Variants in GRID2 observed in about 807,000 individuals in gnomAD.
The protein encoded by GRID2 is glutamate ionotropic receptor delta type subunit 2.
Under a neutral mutation model 114.8 loss-of-function variants are expected in GRID2, and 33 were observed. The ratio of observed to expected loss-of-function variants is 0.29; its 90% CI spans 0.22 to 0.38. The LOEUF (loss-of-function observed/expected upper bound fraction) is 0.38. GRID2 is among the 10% of genes least tolerant of loss of function. The pLI is 1.00. For missense variants in GRID2, 1,184 were observed against 1,257.7 expected, an observed-to-expected ratio of 0.94 and a Z score of 0.89; for synonymous variants, 505 against 449.9, an observed-to-expected ratio of 1.12 and a Z score of -1.55.
chr4:93,456,052 G>C (rs759662770), intron 11 of GRID2, 78 bp downstream of exon 11: 16 of 841,876 alleles, frequency 1.9e-5, no homozygotes, highest in Admixed American at 3.8e-5. Context: ...CAGTTAATAA[G>C]GTTCTGTATC....
At chr4:92,683,887 A>G (rs1035409907) in intron 2 of GRID2, among the ~76,000 whole-genome samples, 12 of 151,860 alleles carry the variant, frequency 7.9e-5, no homozygotes, top group Non-Finnish European at 1.8e-4. Flanking sequence ...TGTTGATATG[A>G]TTATAAGGAG....
intron 13 of GRID2, among the ~76,000 whole-genome samples, chr4:93,549,069 T>C (rs1040645343): frequency 1.3e-5 from 2 of 152,130 alleles, no homozygotes; most frequent in African/African-American, 2.4e-5. Context: ...AAATCAAAGA[T>C]CAACTAAAAA....
intron 12 of GRID2, among the ~76,000 whole-genome samples, chr4:93,511,622 C>T (rs1269799881): frequency 6.6e-6 from 1 of 152,038 alleles, no homozygotes; most frequent in Non-Finnish European, 1.5e-5. Context: ...GAGAAGAGAC[C>T]TCAGGTCTAA....
chr4:93,080,225 A>G (rs979153265), intron 2 of GRID2, among the ~76,000 whole-genome samples: 12 of 152,166 alleles, frequency 7.9e-5, no homozygotes, highest in African/African-American at 2.9e-4. Flanking sequence ...GTGGAATATT[A>G]AAAAAGCAAT....
intron 1 of GRID2, among the ~76,000 whole-genome samples, chr4:92,486,534 ATC>A (rs1260763193): frequency 1.4e-5 from 2 of 138,716 alleles, no homozygotes; most frequent in African/African-American, 2.7e-5. Context: ...AGCCTTATAA[ATC>A]TCTCTCTCTT....
intron 2 of GRID2, among the ~76,000 whole-genome samples, chr4:92,862,084 TTG>T (rs1231466993): frequency 6.6e-6 from 1 of 152,000 alleles, no homozygotes; most frequent in Non-Finnish European, 1.5e-5. Flanking sequence ...CCTGGCAGAA[TTG>T]TCTTACAGGG....
chr4:92,912,138 T>G (rs919418141), intron 2 of GRID2, among the ~76,000 whole-genome samples: 2 of 151,894 alleles, frequency 1.3e-5, no homozygotes, highest in Admixed American at 6.6e-5. Context: ...TTTTATTTAA[T>G]CTATACAGGA....
intron 11 of GRID2, among the ~76,000 whole-genome samples, chr4:93,478,145 G>A (rs941567943): frequency 2.6e-5 from 4 of 151,934 alleles, no homozygotes; most frequent in African/African-American, 9.7e-5. Flanking sequence ...TTTTATACAG[G>A]CTAGAGTAAC....
chr4:92,609,745 C>T (rs1177223400), intron 2 of GRID2, among the ~76,000 whole-genome samples: 1 of 151,486 alleles, frequency 6.6e-6, no homozygotes, highest in Non-Finnish European at 1.5e-5. Flanking sequence ...CTTCAATTAT[C>T]TGACCACTAC....
At chr4:93,057,154 ATGTGTGTCTGTGTGTG>A (rs1560834155) in intron 2 of GRID2, among the ~76,000 whole-genome samples, 1 of 127,360 alleles carries the variant, frequency 7.9e-6, no homozygotes, top group African/African-American at 3.2e-5. Flanking sequence ...GTGAGTGTGT[ATGTGTGTCTGTGTGTG>A]TGTGTGTGTG....
intron 2 of GRID2, among the ~76,000 whole-genome samples, chr4:93,046,646 T>C (rs922076885): frequency 2.0e-5 from 3 of 151,978 alleles, no homozygotes; most frequent in African/African-American, 7.2e-5. Context: ...TTTCTCTTCC[T>C]GTAAGGAAAC....
rs113207511 is a variant in GRID2 at position 93,409,644 on chromosome 4, T to G, written c.1348-13127T>G. Among the ~76,000 whole-genome samples, 384 of 152,260 alleles carry G rather than the reference T, an allele frequency of 2.5e-3. 1 individual carries two copies. The highest frequency in any genetic ancestry group is 8.6e-3 in the African/African-American group (356 of 41,546). On this transcript the variant is annotated intron_variant, in intron 9 of 15. Coordinates refer to ENST00000282020, the MANE Select transcript of GRID2 (RefSeq NM_001510.4). Reference sequence around the variant, plus strand: ...ATTTTGACACGACCATGTCAAAGACTAAGAGTACCCCAAGTTCTTTATCAA... The same window carrying G: ...ATTTTGACACGACCATGTCAAAGACGAAGAGTACCCCAAGTTCTTTATCAA...
chr4:93,094,027 T>C (rs1412959200), intron 3 of GRID2, among the ~76,000 whole-genome samples: 1 of 152,060 alleles, frequency 6.6e-6, no homozygotes, highest in East Asian at 1.9e-4. Context: ...ACTTTTTATT[T>C]TTTTAACTTT....
intron 2 of GRID2, among the ~76,000 whole-genome samples, chr4:92,922,245 AC>A (rs1354558015): frequency 6.6e-6 from 1 of 151,894 alleles, no homozygotes; most frequent in Admixed American, 6.6e-5. Context: ...TGCCATCGTC[AC>A]CCCTTTCTTT....
chr4:92,408,424 T>A (rs1731129112), intron 1 of GRID2, among the ~76,000 whole-genome samples: 1 of 141,808 alleles, frequency 7.1e-6, no homozygotes, highest in African/African-American at 2.6e-5. Context: ...TATTGCCTAT[T>A]CAAGCTCTTT....
At chr4:93,037,448 A>G (rs1725033779) in intron 2 of GRID2, among the ~76,000 whole-genome samples, 1 of 152,092 alleles carries the variant, frequency 6.6e-6, no homozygotes, top group African/African-American at 2.4e-5. Context: ...GTTTAATCAG[A>G]TCCCATTTAT....
chr4:93,070,535 T>A (rs768922736), intron 2 of GRID2, among the ~76,000 whole-genome samples: 1 of 152,096 alleles, frequency 6.6e-6, no homozygotes, highest in East Asian at 1.9e-4. Flanking sequence ...ATAACTGTGA[T>A]CCAGCTCCTG....
chr4:93,590,467 A>G (rs1489102432), intron 13 of GRID2, among the ~76,000 whole-genome samples: 1 of 149,646 alleles, frequency 6.7e-6, no homozygotes, highest in Admixed American at 6.7e-5. Flanking sequence ...GCCTTGTAGT[A>G]TAGTTTGAAG....
chr4:92,385,875 CGT>C lies in GRID2; in HGVS notation c.88+81156_88+81157del, dbSNP rs746827198. Among the ~76,000 whole-genome samples the C allele has an allele frequency of 7.1e-3, 984 of 137,742 alleles. 13 individuals are homozygous for C. Among genetic ancestry groups the C allele is most frequent in the Non-Finnish European group, 9.9e-3 (630 of 63,592 alleles). 90.4% of individuals were successfully genotyped at this position (137,742 alleles called of 152,430 possible). Reference sequence around the variant, plus strand: ...GTTGTGAAGAAATATATATAATATACGTGTGTGTGTGTGTGTGTGTGTGTGTA... The same window carrying C: ...GTTGTGAAGAAATATATATAATATACGTGTGTGTGTGTGTGTGTGTGTGTA... On this transcript the variant is annotated intron_variant, in intron 1 of 15. Coordinates refer to ENST00000282020, the MANE Select transcript of GRID2 (RefSeq NM_001510.4).
Sources: gnomAD v4.1 joint callset for allele counts (sites outside exome capture counted in the v4.1 genomes callset) on GRCh38, gnomAD v4.1.1 for gene constraint, MANE v1.5 for transcripts, NCBI Gene and HGNC (gene_info 2026-07-23, HGNC 2026-07-21) for gene names.